Variants in SYK observed in about 807,000 individuals in gnomAD.
SYK encodes the protein tyrosine-protein kinase SYK.
Under a neutral mutation model 77.8 loss-of-function variants are expected in SYK, and 16 were observed. The ratio of observed to expected loss-of-function variants is 0.21; its 90% CI spans 0.14 to 0.31. The LOEUF (loss-of-function observed/expected upper bound fraction) is 0.31, where lower values mean the gene tolerates loss of function less well. Among genes scored for constraint, SYK ranks in the 10% least tolerant of loss-of-function variants. The pLI is 1.00. For missense variants in SYK, 529 were observed against 814.4 expected, an observed-to-expected ratio of 0.65 and a Z score of 4.26; for synonymous variants, 312 against 308.7, an observed-to-expected ratio of 1.01 and a Z score of -0.11.
intron 6 of SYK, among the ~76,000 whole-genome samples, chr9:90,866,168 G>A (rs1827487381): frequency 6.6e-6 from 1 of 152,142 alleles, no homozygotes; most frequent in African/African-American, 2.4e-5. Flanking sequence ...CAAAGTGCTG[G>A]GATTACAGGC....
intron 7 of SYK, among the ~76,000 whole-genome samples, chr9:90,869,974 G>A (rs1250647716): frequency 1.3e-5 from 2 of 152,168 alleles, no homozygotes; most frequent in African/African-American, 4.8e-5. Context: ...CAGGCGTGGT[G>A]GCACACGCCT....
intron 7 of SYK, among the ~76,000 whole-genome samples, chr9:90,873,232 C>G (rs906538819): frequency 1.3e-5 from 2 of 151,692 alleles, no homozygotes; most frequent in Admixed American, 6.6e-5. Flanking sequence ...AGCTTAATGT[C>G]TCTGTTTCTG....
chr9:90,822,474 AT>A (rs1834159099), intron 1 of SYK, among the ~76,000 whole-genome samples: 1 of 152,252 alleles, frequency 6.6e-6, no homozygotes, highest in Non-Finnish European at 1.5e-5. Context: ...CAAAATGAGA[AT>A]CTGCTAATTA....
intron 1 of SYK, among the ~76,000 whole-genome samples, chr9:90,820,861 C>CTT (rs548831527): frequency 5.5e-5 from 8 of 145,706 alleles, no homozygotes; most frequent in East Asian, 2.0e-4. Context: ...CTTTTATGCT[C>CTT]TTTTTTTTTT....
rs1171441040 is a variant in SYK, at chr9:90,855,003, C to T, written c.579-7203C>T. On this transcript the variant is annotated intron_variant, in intron 3 of 13. Transcript: ENST00000375754. ...CCCGCCTCTCTCTCTCTCACACACA[C>T]ACATACATACACACACACACACACA... 1.1e-4 allele frequency among the ~76,000 whole-genome samples: 10 copies of T among 95,058 alleles called. No individual in the cohort carries two copies. In the South Asian group the frequency reaches 2.0e-3, roughly 19 times the overall value. The allele number at this position is 95,058 out of a possible 152,430, so 62.4% of individuals were successfully genotyped here. A position where few individuals can be genotyped will look rare whatever the true frequency, so the allele number is the denominator to read the frequency against.
chr9:90,842,985 G>C (rs1826433548), intron 1 of SYK, among the ~76,000 whole-genome samples: 1 of 152,068 alleles, frequency 6.6e-6, no homozygotes, highest in Non-Finnish European at 1.5e-5. Flanking sequence ...ATATGCATTG[G>C]CCGCCTTTCT....
chr9:90,878,931 G>A lies in SYK; in HGVS notation c.1559G>A (p.Arg520His), dbSNP rs763539783. ...GATTTCGGACTTTCCAAAGCACTGC[G>A]TGCTGATGAAAACTACTACAAGGTA... Reference protein sequence around the residue: ...ISDFGLSKALRADENYYKAQT... With the variant: ...ISDFGLSKALHADENYYKAQT... The change falls in exon 11 of 14, where the codon CGT becomes CAT. Residue 520 changes from arginine (R) to histidine (H), a missense_variant. Around this residue, in one of 2 missense-constraint regions of SYK, gnomAD observed 208 missense variants for 381.3 expected, o/e 0.55. Transcript: ENST00000375754. 1.1e-5 allele frequency: 18 copies of A among 1,611,684 alleles called. No homozygotes were observed. Among genetic ancestry groups the A allele is most frequent in the Middle Eastern group, 1.7e-4 (1 of 6,056 alleles).
chr9:90,819,039 G>A (rs2118387725), intron 1 of SYK, among the ~76,000 whole-genome samples: 1 of 152,314 alleles, frequency 6.6e-6, no homozygotes, highest in Non-Finnish European at 1.5e-5. Context: ...AATGAATACA[G>A]GGAGATATGG....
chr9:90,816,409 C>T (rs1041462409), intron 1 of SYK, among the ~76,000 whole-genome samples: 1 of 152,180 alleles, frequency 6.6e-6, no homozygotes, highest in African/African-American at 2.4e-5. Context: ...TCTAGCTGGA[C>T]TATATGCCTC....
At chr9:90,878,122 C>T (rs1587903929) in intron 10 of SYK, among the ~76,000 whole-genome samples, 1 of 152,302 alleles carries the variant, frequency 6.6e-6, no homozygotes, top group East Asian at 1.9e-4. Context: ...TTTAAAGAAA[C>T]ATTTTAAATA....
At position 90,896,798 on chromosome 9, in the gene SYK, G is replaced by C. The variant is rs200678129; in HGVS notation, c.*1198G>C. On this transcript the variant is annotated 3_prime_UTR_variant, in exon 14 of 14. Coordinates refer to ENST00000375754, the MANE Select transcript of SYK (RefSeq NM_003177.7). Reference sequence around the variant, plus strand: ...TCTCAGCACTTTAGGAGGCCGAGGCGGGTGGATCACTTGAGGTAAGGAGTT... The same window carrying C: ...TCTCAGCACTTTAGGAGGCCGAGGCCGGTGGATCACTTGAGGTAAGGAGTT... 1 of 218,972 alleles carries C rather than the reference G, an allele frequency of 4.6e-6. No individual in the cohort carries two copies. The highest frequency in any genetic ancestry group is 1.9e-4 in the South Asian group (1 of 5,378). 13.6% of individuals were successfully genotyped at this position (218,972 alleles called of 1,614,324 possible).
intron 3 of SYK, among the ~76,000 whole-genome samples, chr9:90,847,796 TACACCGC>T (rs1209824424): frequency 6.6e-6 from 1 of 152,236 alleles, no homozygotes; most frequent in Non-Finnish European, 1.5e-5. Context: ...ACACACCACG[TACACCGC>T]ACAGCACATG....
intron 1 of SYK, among the ~76,000 whole-genome samples, chr9:90,824,404 A>G (rs944485396): frequency 2.0e-5 from 3 of 152,168 alleles, no homozygotes; most frequent in Non-Finnish European, 4.4e-5. Flanking sequence ...ATTTCACGTA[A>G]TACCAAAACC....
At chr9:90,845,360 G>C in intron 2 of SYK, 74 bp from the exon 3 acceptor site, 2 of 1,504,252 alleles carry the variant, frequency 1.3e-6, no homozygotes, top group Non-Finnish European at 1.8e-6. Flanking sequence ...ACTCGAGATA[G>C]ATTGGAAATG....
intron 7 of SYK, among the ~76,000 whole-genome samples, chr9:90,870,179 A>G (rs1827676002): frequency 6.6e-6 from 1 of 152,220 alleles, no homozygotes; most frequent in South Asian, 2.1e-4. Context: ...TTAAGAATAC[A>G]ACTAGTAGTC....
chr9:90,813,348 C>T (rs532271423), intron 1 of SYK, among the ~76,000 whole-genome samples: 98 of 152,172 alleles, frequency 6.4e-4, no homozygotes, highest in African/African-American at 2.2e-3. Context: ...GCCATACTCG[C>T]CCAGAAGGGC....
intron 1 of SYK, among the ~76,000 whole-genome samples, chr9:90,831,955 A>G (rs1292663020): frequency 1.3e-5 from 2 of 152,236 alleles, no homozygotes; most frequent in East Asian, 3.8e-4. Flanking sequence ...CAGAGAAAAT[A>G]CGTGTGTTAG....
chr9:90,857,433 A>G (rs977778313), intron 3 of SYK, among the ~76,000 whole-genome samples: 1 of 152,220 alleles, frequency 6.6e-6, no homozygotes, highest in East Asian at 1.9e-4. Flanking sequence ...TTCCACCTTC[A>G]TGAACTAAAG....
In SYK at chr9:90,867,116, C is replaced by T. The variant is rs200866274; in HGVS notation, c.847-15C>T. 1.8e-5 allele frequency: 29 copies of T among 1,613,660 alleles called. No individual in the cohort carries two copies. Among genetic ancestry groups the T allele is most frequent in the African/African-American group, 6.7e-5 (5 of 74,896 alleles). Reference sequence around the variant, plus strand: ...TGAAACATTTACTGTTCCTCTTTGCCGTTGTGGTTTCTAGACTTGGTCAGC... The same window carrying T: ...TGAAACATTTACTGTTCCTCTTTGCTGTTGTGGTTTCTAGACTTGGTCAGC... On this transcript the variant is annotated splice_polypyrimidine_tract_variant and intron_variant, in intron 6 of 13. Transcript: ENST00000375754.
Sources: gnomAD v4.1 joint callset for allele counts (sites outside exome capture counted in the v4.1 genomes callset) on GRCh38, gnomAD v4.1.1 for gene constraint, gnomAD v4.1.1 regional missense constraint, MANE v1.5 for transcripts, NCBI Gene and HGNC (gene_info 2026-07-23, HGNC 2026-07-21) for gene names.